Variants in TMEM74 observed in about 807,000 individuals in gnomAD.
TMEM74 encodes transmembrane protein 74.
In TMEM74, 13 loss-of-function variants were observed where a neutral mutation model predicts 18.1. The observed-to-expected ratio is 0.72, with a 90% CI of 0.47 to 1.14. The LOEUF (loss-of-function observed/expected upper bound fraction) is 1.14, where lower values mean the gene tolerates loss of function less well. Ranked by LOEUF, TMEM74 falls within the 50% of genes most tolerant of loss-of-function variation. The pLI is 0.00. For missense variants in TMEM74, 372 were observed against 375.9 expected (o/e 0.99, Z 0.09); for synonymous variants, 159 against 146.6 (o/e 1.08, Z -0.61).
intron 1 of TMEM74, among the ~76,000 whole-genome samples, chr8:108,764,941 T>G (rs1181789574): frequency 6.6e-6 from 1 of 152,186 alleles, no homozygotes; most frequent in African/African-American, 2.4e-5. Context: ...TCAATGAAGC[T>G]GAGTTTATCA....
At chr8:108,712,032 G>A (rs868189436) in intron 1 of TMEM74, among the ~76,000 whole-genome samples, 2 of 152,032 alleles carry the variant, frequency 1.3e-5, no homozygotes. Context: ...AGCATCACCT[G>A]GGAACTTTTT....
chr8:108,672,699 A>C (rs1220331208), intron 1 of TMEM74, among the ~76,000 whole-genome samples: 1 of 152,226 alleles, frequency 6.6e-6, no homozygotes, highest in Non-Finnish European at 1.5e-5. Flanking sequence ...AAATATACAA[A>C]GCCATGGAAT....
intron 2 of TMEM74, among the ~76,000 whole-genome samples, chr8:108,622,236 A>G (rs911138436): frequency 6.6e-6 from 1 of 152,090 alleles, no homozygotes; most frequent in Non-Finnish European, 1.5e-5. Flanking sequence ...CACATTGACA[A>G]TGATGCATGA....
chr8:108,676,599 A>G (rs1408497008), intron 1 of TMEM74, among the ~76,000 whole-genome samples: 5 of 152,158 alleles, frequency 3.3e-5, no homozygotes, highest in African/African-American at 1.2e-4. Context: ...CTGCCCTATT[A>G]TATTTTCAAT....
chr8:108,751,336 C>T (rs534215360), intron 1 of TMEM74, among the ~76,000 whole-genome samples: 2 of 152,246 alleles, frequency 1.3e-5, no homozygotes, highest in Middle Eastern at 3.4e-3. Flanking sequence ...TTGTGCATCT[C>T]ATTCCACATA....
At chr8:108,631,823 T>G (rs968202860) in intron 2 of TMEM74, among the ~76,000 whole-genome samples, 57 of 152,034 alleles carry the variant, frequency 3.7e-4, no homozygotes, top group African/African-American at 1.4e-3. Context: ...AAACATCAAA[T>G]AGAAATGTTT....
At chr8:108,760,647 A>C (rs1814033406) in intron 1 of TMEM74, among the ~76,000 whole-genome samples, 1 of 151,832 alleles carries the variant, frequency 6.6e-6, no homozygotes, top group Non-Finnish European at 1.5e-5. Context: ...CCCTTTTTCA[A>C]AATTCTCTCA....
chr8:108,622,895 T>C (rs370171805), intron 2 of TMEM74, among the ~76,000 whole-genome samples: 67 of 152,252 alleles, frequency 4.4e-4, no homozygotes, highest in Non-Finnish European at 7.4e-4. Context: ...AAATACTTAC[T>C]GTACACCAGG....
intron 1 of TMEM74, among the ~76,000 whole-genome samples, chr8:108,729,534 C>T (rs568901759): frequency 7.2e-5 from 11 of 152,302 alleles, no homozygotes; most frequent in Admixed American, 2.0e-4. Context: ...CTTTGGGGTA[C>T]ATTTTGCCTA....
At chr8:108,618,754 G>A (rs1812410942) in intron 2 of TMEM74, among the ~76,000 whole-genome samples, 1 of 152,144 alleles carries the variant, frequency 6.6e-6, no homozygotes, top group Admixed American at 6.6e-5. Context: ...TGTTTAGTAT[G>A]TTTTATTAAA....
chr8:108,667,179 C>T (rs1274910619), intron 1 of TMEM74, among the ~76,000 whole-genome samples: 1 of 152,116 alleles, frequency 6.6e-6, no homozygotes, highest in East Asian at 1.9e-4. Flanking sequence ...TAAAAACAGA[C>T]TCTTGTCCTG....
intron 1 of TMEM74, among the ~76,000 whole-genome samples, chr8:108,730,795 G>T (rs1813686869): frequency 2.0e-5 from 3 of 152,016 alleles, no homozygotes; most frequent in Admixed American, 6.6e-5. Flanking sequence ...ACCACGCCTG[G>T]CTAATTTTTC....
At chr8:108,753,340 C>T (rs1813921270) in intron 1 of TMEM74, among the ~76,000 whole-genome samples, 1 of 151,926 alleles carries the variant, frequency 6.6e-6, no homozygotes, top group Non-Finnish European at 1.5e-5. Flanking sequence ...ATATTTCCCC[C>T]AGTAGGTATT....
chr8:108,740,117 A>G (rs1813785934), intron 1 of TMEM74, among the ~76,000 whole-genome samples: 1 of 152,298 alleles, frequency 6.6e-6, no homozygotes, highest in African/African-American at 2.4e-5. Flanking sequence ...CTAGGAGCCT[A>G]GGAAGACTAG....
At position 108,735,610 on chromosome 8, in the gene TMEM74, A is replaced by G. The variant is rs1408441630; in HGVS notation, n.119+51866T>C. ...CTACATTTTGTTTAACCTCTTGTCC[A>G]TCAATGGACATTTGGGCTATTTCCA... is the stretch of plus-strand genomic sequence containing the variant. On this transcript the variant is annotated intron_variant and non_coding_transcript_variant, in intron 1 of 3. Coordinates refer to the TMEM74 transcript ENST00000518838. Among the ~76,000 whole-genome samples the G allele has an allele frequency of 3.3e-5, 5 of 152,266 alleles. No individual in the cohort carries two copies. In the East Asian group the frequency reaches 9.6e-4, roughly 29 times the overall value.
chr8:108,772,868 G>A (rs941509991), intron 1 of TMEM74, among the ~76,000 whole-genome samples: 1 of 152,072 alleles, frequency 6.6e-6, no homozygotes, highest in Non-Finnish European at 1.5e-5. Flanking sequence ...TATAACATAA[G>A]GATAATAAAA....
chr8:108,784,006 C>T lies in TMEM74; in HGVS notation c.*175G>A. Reference sequence around the variant, plus strand: ...TGGTTGTGGTTTCTTATACATCTTACATGGCTTTTCTTCTAAATAGAAGAC... The same window carrying T: ...TGGTTGTGGTTTCTTATACATCTTATATGGCTTTTCTTCTAAATAGAAGAC... On this transcript the variant is annotated 3_prime_UTR_variant, in exon 2 of 2. Transcript: ENST00000297459. The T allele has an allele frequency of 1.9e-6, 1 of 536,564 alleles. No homozygotes were observed. The highest frequency in any genetic ancestry group is 1.9e-5 in the African/African-American group (1 of 51,926). 33.2% of individuals were successfully genotyped at this position (536,564 alleles called of 1,614,324 possible). A position where few individuals can be genotyped will look rare whatever the true frequency, so the allele number is the denominator to read the frequency against.
At chr8:108,677,330 A>C (rs1351361805) in intron 1 of TMEM74, among the ~76,000 whole-genome samples, 1 of 152,216 alleles carries the variant, frequency 6.6e-6, no homozygotes. Flanking sequence ...GTTAATACTG[A>C]CTACAAACAT....
chr8:108,699,183 T>TCCTTTCTTCCTC (rs1316107934), intron 1 of TMEM74, among the ~76,000 whole-genome samples: 4 of 70,458 alleles, frequency 5.7e-5, no homozygotes, highest in Non-Finnish European at 1.0e-4. Context: ...CTTCCTTCCT[T>TCCTTTCTTCCTC]CCTCCCTCCC....
Sources: gnomAD v4.1 joint callset for allele counts (sites outside exome capture counted in the v4.1 genomes callset) on GRCh38, gnomAD v4.1.1 for gene constraint, MANE v1.5 for transcripts, NCBI Gene and HGNC (gene_info 2026-07-23, HGNC 2026-07-21) for gene names.